The following KIF1B variants were observed in gnomAD, a reference collection of about 807,000 sequenced individuals.
KIF1B encodes kinesin family member 1B.
In KIF1B, 76 loss-of-function variants were observed where a neutral mutation model predicts 241.9. That is an observed-to-expected ratio of 0.31 (90% CI 0.26 to 0.38). The LOEUF (loss-of-function observed/expected upper bound fraction) is 0.38. Among genes scored for constraint, KIF1B ranks in the 10% least tolerant of loss-of-function variants. The probability of loss-of-function intolerance (pLI) is 1.00; values close to 1 mark genes in which losing one functional copy is unlikely to be tolerated. For missense variants in KIF1B, 1,622 were observed against 2,271.4 expected (o/e 0.71, Z 5.81); for synonymous variants, 750 against 796.7 (o/e 0.94, Z 0.99).
intron 38 of KIF1B, among the ~76,000 whole-genome samples, chr1:10,356,427 C>T (rs998334432): frequency 6.6e-6 from 1 of 151,920 alleles, no homozygotes; most frequent in Non-Finnish European, 1.5e-5. Flanking sequence ...ATGATTTTAT[C>T]CCTCAATTTG....
intron 38 of KIF1B, 64 bp from the exon 39 acceptor site, chr1:10,360,865 A>C: frequency 1.9e-6 from 2 of 1,035,562 alleles, no homozygotes; most frequent in Non-Finnish European, 3.1e-6. Context: ...TGACAGTGGC[A>C]GTACCTGGAC....
At chr1:10,252,912 A>G (rs1023507623) in intron 2 of KIF1B, among the ~76,000 whole-genome samples, 2 of 151,916 alleles carry the variant, frequency 1.3e-5, no homozygotes, top group African/African-American at 4.8e-5. Flanking sequence ...TTTAACAGAG[A>G]TGGGGTTTCA....
intron 7 of KIF1B, among the ~76,000 whole-genome samples, chr1:10,269,970 C>T (rs952670265): frequency 2.6e-5 from 4 of 152,058 alleles, no homozygotes; most frequent in African/African-American, 9.7e-5. Flanking sequence ...CCCATGATGT[C>T]GAATCTACAA....
intron 14 of KIF1B, among the ~76,000 whole-genome samples, chr1:10,280,260 G>A (rs369312383): frequency 6.6e-6 from 1 of 151,688 alleles, no homozygotes; most frequent in Admixed American, 6.6e-5. Context: ...TTTTGAGATG[G>A]AGTCTTGCTT....
intron 22 of KIF1B, among the ~76,000 whole-genome samples, chr1:10,312,184 T>C (rs1215719077): frequency 6.6e-6 from 1 of 151,528 alleles, no homozygotes; most frequent in East Asian, 1.9e-4. Flanking sequence ...ATTTAAATCA[T>C]TTGAACTGGA....
At chr1:10,265,630 A>G (rs1312726275) in intron 5 of KIF1B, among the ~76,000 whole-genome samples, 1 of 152,028 alleles carries the variant, frequency 6.6e-6, no homozygotes, top group African/African-American at 2.4e-5. Context: ...GGATTGCTTG[A>G]GCCCAGGAGT....
At chr1:10,348,874 C>T (rs1295401736) in intron 37 of KIF1B, 141 bp downstream of exon 37, 4 of 707,154 alleles carry the variant, frequency 5.7e-6, no homozygotes, top group African/African-American at 3.5e-5. Flanking sequence ...CTCCTGGGCT[C>T]AAGCAATCCT....
At chr1:10,253,936 A>T (rs980226113) in intron 2 of KIF1B, among the ~76,000 whole-genome samples, 2 of 152,216 alleles carry the variant, frequency 1.3e-5, no homozygotes, top group African/African-American at 4.8e-5. Flanking sequence ...GCACCGTAGC[A>T]ACTGTTGCTA....
At chr1:10,234,438 C>G (rs1647022615) in intron 2 of KIF1B, among the ~76,000 whole-genome samples, 1 of 151,944 alleles carries the variant, frequency 6.6e-6, no homozygotes, top group Non-Finnish European at 1.5e-5. Context: ...AAACTCCTGA[C>G]TTCAAGTGAT....
chr1:10,309,535 T>A (rs1385755865), intron 22 of KIF1B, among the ~76,000 whole-genome samples: 1 of 151,484 alleles, frequency 6.6e-6, no homozygotes, highest in Non-Finnish European at 1.5e-5. Flanking sequence ...AATTATAATC[T>A]GCCATTAGGA....
At chr1:10,245,841 A>C (rs1647202717) in intron 2 of KIF1B, among the ~76,000 whole-genome samples, 1 of 152,168 alleles carries the variant, frequency 6.6e-6, no homozygotes, top group Non-Finnish European at 1.5e-5. Flanking sequence ...AACGTGACTG[A>C]CTACTTCAAA....
chr1:10,227,263 G>C (rs767014634), intron 1 of KIF1B, among the ~76,000 whole-genome samples: 2 of 151,794 alleles, frequency 1.3e-5, no homozygotes, highest in Non-Finnish European at 2.9e-5. Context: ...TTGATTTCTT[G>C]ACCTCGTGAT....
chr1:10,320,134 A>G lies in KIF1B; in HGVS notation c.2207A>G (p.Glu736Gly), dbSNP rs749876900. ...ACTGAAGAGGAGGAAGAAGAGGAAG[A>G]AGGTGAAATCTAGAGACCGAAAGTT... ...ETTEEEEEEE[E>G]VPWTQHEFEL... The change falls in exon 23 of 49, where the codon GAA becomes GGA. Residue 736 changes from glutamate (E) to glycine (G), a missense_variant and splice_region_variant. Coordinates refer to ENST00000676179, the MANE Select transcript of KIF1B (RefSeq NM_001365951.3). The G allele has an allele frequency of 6.2e-7, 1 of 1,610,228 alleles. No individual in the cohort carries two copies. The highest frequency in any genetic ancestry group is 8.5e-7 in the Non-Finnish European group (1 of 1,176,798).
At chr1:10,239,701 G>A (rs1207173413) in intron 2 of KIF1B, among the ~76,000 whole-genome samples, 4 of 151,564 alleles carry the variant, frequency 2.6e-5, no homozygotes, top group South Asian at 2.1e-4. Flanking sequence ...TCTGCCTCCC[G>A]GCTTCAAGGG....
chr1:10,300,137 T>C (rs1195738243), intron 22 of KIF1B, among the ~76,000 whole-genome samples: 1 of 151,434 alleles, frequency 6.6e-6, no homozygotes, highest in Non-Finnish European at 1.5e-5. Flanking sequence ...CTTGGGAGGC[T>C]GAGGCAGGAG....
At chr1:10,356,898 C>CTAAA (rs61266375) in intron 38 of KIF1B, among the ~76,000 whole-genome samples, 10,007 of 149,242 alleles carry the variant, frequency 0.067, 382 homozygotes, top group Non-Finnish European at 0.093. Context: ...GACTCCGTCT[C>CTAAA]TAAATAAATA....
intron 5 of KIF1B, among the ~76,000 whole-genome samples, chr1:10,264,093 A>G (rs934619705): frequency 6.6e-6 from 1 of 152,108 alleles, no homozygotes. Flanking sequence ...TTAATATTGT[A>G]TCTTGCCCTT....
At position 10,337,131 on chromosome 1, in the gene KIF1B, A is replaced by T; in HGVS notation, c.3187A>T (p.Ile1063Phe). 1 of 1,613,968 alleles carries T rather than the reference A, an allele frequency of 6.2e-7. No homozygotes were observed. The highest frequency in any genetic ancestry group is 8.5e-7 in the Non-Finnish European group (1 of 1,179,996). Residue 1063 changes from isoleucine to phenylalanine, a missense_variant, in exon 30 of 49, where the codon ATT becomes TTT. By Grantham distance (21) the Ile-to-Phe change is conservative. Coordinates refer to ENST00000676179, the MANE Select transcript of KIF1B (RefSeq NM_001365951.3). This position sits in a 1 kb window ranked among gnomAD's most constrained non-coding sequence, Gnocchi z 4.0. ...RSGLSLEELR[I>F]VEGQGQSSEV... is the part of the protein sequence containing the mutation. ...TGGTCTGTCCTTGGAGGAGTTGAGG[A>T]TTGTGGAAGGACAGGGTCAGAGTTC...
intron 43 of KIF1B, 133 bp from the exon 44 acceptor site, chr1:10,368,334 G>A (rs1043139317): frequency 4.1e-6 from 3 of 732,134 alleles, no homozygotes; most frequent in Non-Finnish European, 7.4e-6. Context: ...AATGCATAGG[G>A]AGAGGAGATG....
Sources: gnomAD v4.1 joint callset for allele counts (sites outside exome capture counted in the v4.1 genomes callset) on GRCh38, gnomAD v4.1.1 for gene constraint, Gnocchi (gnomAD v3.1) non-coding constraint, MANE v1.5 for transcripts, NCBI Gene and HGNC (gene_info 2026-07-23, HGNC 2026-07-21) for gene names.